Variants in LIPN observed in about 807,000 individuals in gnomAD.
The protein encoded by LIPN is lipase member N.
A neutral mutation model predicts 43.7 loss-of-function variants in LIPN; 32 were observed. The ratio of observed to expected loss-of-function variants is 0.73; its 90% CI spans 0.55 to 0.98. The LOEUF (loss-of-function observed/expected upper bound fraction) is 0.98, where lower values mean the gene tolerates loss of function less well. LIPN is among the 50% of genes least tolerant of loss of function. The probability of loss-of-function intolerance (pLI) is 0.00; values close to 1 mark genes in which losing one functional copy is unlikely to be tolerated. For synonymous variants in LIPN, 156 were observed against 157.6 expected (o/e 0.99, Z 0.08); for missense variants, 505 against 483.8 (o/e 1.04, Z -0.41).
intron 5 of LIPN, among the ~76,000 whole-genome samples, chr10:88,766,594 C>T (rs1263334736): frequency 6.6e-6 from 1 of 151,930 alleles, no homozygotes; most frequent in Non-Finnish European, 1.5e-5. Flanking sequence ...TCTCTGGTCA[C>T]AGCAGCATAT....
chr10:88,774,979 G>C (rs1211055179), intron 8 of LIPN, 113 bp from the exon 9 acceptor site: 4 of 663,262 alleles, frequency 6.0e-6, no homozygotes, highest in South Asian at 5.6e-5. Context: ...ACATCCTTCT[G>C]GTGATCTAGG....
Position 88,766,196 on chromosome 10 carries a change from G to T in LIPN, c.426-73G>T, listed in dbSNP as rs1843093207. 2.7e-6 allele frequency: 2 copies of T among 745,856 alleles called. 1 individual carries two copies. The highest frequency in any genetic ancestry group is 4.9e-5 in the East Asian group (2 of 40,410). 46.2% of individuals were successfully genotyped at this position (745,856 alleles called of 1,614,324 possible). ...CAGCATAGAATCTGGGTGTAAAAAA[G>T]AAGTGAGCAAGTGCTCTGAGTTTTA... On this transcript the variant is annotated intron_variant, in intron 4 of 9. Coordinates refer to ENST00000404459, the MANE Select transcript of LIPN (RefSeq NM_001102469.2).
intron 9 of LIPN, 73 bp downstream of exon 9, chr10:88,775,236 GA>G (rs1182217108): frequency 9.6e-7 from 1 of 1,037,214 alleles, no homozygotes; most frequent in East Asian, 2.8e-5. Flanking sequence ...AGGGTGGAAA[GA>G]CTCCTACCTG....
intron 5 of LIPN, 87 bp downstream of exon 5, chr10:88,766,465 A>G: frequency 1.2e-6 from 1 of 815,562 alleles, no homozygotes; most frequent in Non-Finnish European, 2.1e-6. Context: ...TGTTGGAATA[A>G]AACAACTGTT....
chr10:88,777,051 C>A (rs945939051), intron 9 of LIPN, among the ~76,000 whole-genome samples: 1 of 152,012 alleles, frequency 6.6e-6, no homozygotes. Context: ...TACTCCTTAA[C>A]CTTGTACAAT....
In LIPN at chr10:88,778,112, TC is replaced by T. The variant is rs770203976; in HGVS notation, c.1070del (p.Pro357LeufsTer35). 5.0e-6 allele frequency: 8 copies of T among 1,613,558 alleles called. No individual in the cohort carries two copies. On this transcript the variant is annotated frameshift_variant, in exon 10 of 10. Coordinates refer to ENST00000404459, the MANE Select transcript of LIPN (RefSeq NM_001102469.2). LOFTEE classifies it high-confidence loss of function. The stretch of plus-strand genomic sequence containing the variant: ...ACACCCCAGGATGTGGCCAGGATAC[TC>T]CCTCAAATCAAGAGTCTTCATTACT... Reference protein sequence around the residue: ...LVTPQDVARILPQIKSLHYFK... With the variant: ...LVTPQDVARIXPQIKSLHYFK...
chr10:88,774,171 C>T (rs1200500084), intron 7 of LIPN, among the ~76,000 whole-genome samples: 2 of 152,018 alleles, frequency 1.3e-5, no homozygotes, highest in African/African-American at 2.4e-5. Context: ...GCACATAGAA[C>T]CTTTCCTAGT....
intron 7 of LIPN, among the ~76,000 whole-genome samples, 190 bp downstream of exon 7, chr10:88,771,181 T>C (rs1843202835): frequency 1.3e-5 from 2 of 151,878 alleles, no homozygotes; most frequent in Non-Finnish European, 2.9e-5. Flanking sequence ...CACATATATT[T>C]TGATATAAGC....
chr10:88,766,366 G>A lies in LIPN; in HGVS notation c.523G>A (p.Gly175Ser), dbSNP rs1843098550. ...ATTGTATTTCATTGGACATTCACTT[G>A]GCACTACAATAGGTATGTTTATGAG... ...EKLYFIGHSL[G>S]TTIGFVAFST... The change falls in exon 5 of 10, where the codon GGC (glycine) becomes AGC (serine). Residue 175 changes from glycine to serine, a missense_variant. Transcript: ENST00000404459. 1.3e-6 allele frequency: 2 copies of A among 1,593,124 alleles called. No homozygotes were observed. Among genetic ancestry groups the A allele is most frequent in the Non-Finnish European group, 1.7e-6 (2 of 1,161,942 alleles).
rs1407683091 is a variant in LIPN, at chr10:88,778,045, G to C, written c.1000G>C (p.Val334Leu). ...PPIYDLTAMK[V>L]PTAIWAGGHD... ...TATATATGACCTGACTGCCATGAAA[G>C]TGCCTACTGCTATTTGGGCTGGTGG... Residue 334 changes from valine (V) to leucine (L), a missense_variant, in exon 10 of 10, where the codon GTG (valine) becomes CTG (leucine). By Grantham distance (32) the Val-to-Leu change is conservative. Coordinates refer to ENST00000404459, the MANE Select transcript of LIPN (RefSeq NM_001102469.2). 6.2e-7 allele frequency: 1 copy of C among 1,613,278 alleles called. No individual in the cohort carries two copies. The highest frequency in any genetic ancestry group is 1.3e-5 in the African/African-American group (1 of 74,860).
At position 88,767,423 on chromosome 10, in the gene LIPN, C is replaced by CCCACA. The variant is rs572133513; in HGVS notation, c.535+1046_535+1050dup. Among the ~76,000 whole-genome samples the CCCACA allele has an allele frequency of 1.9e-4, 29 of 151,490 alleles. 1 individual carries two copies. The South Asian group carries it at 5.8e-3, about 30-fold the overall frequency. On this transcript the variant is annotated intron_variant, in intron 5 of 9. Coordinates refer to ENST00000404459, the MANE Select transcript of LIPN (RefSeq NM_001102469.2). ...GTAGGGTCTTGTGTTCAGGACCTTCCCCACAGTATCTCCCTCTGATCTTCA... is the reference window on the plus strand; with the variant it reads ...GTAGGGTCTTGTGTTCAGGACCTTCCCCACACCACAGTATCTCCCTCTGATCTTCA...
chr10:88,778,283 C>A lies in LIPN; in HGVS notation c.*41C>A. 1 of 1,464,866 alleles carries A rather than the reference C, an allele frequency of 6.8e-7. No homozygotes were observed. The highest frequency in any genetic ancestry group is 9.4e-7 in the Non-Finnish European group (1 of 1,068,788). 90.7% of individuals were successfully genotyped at this position (1,464,866 alleles called of 1,614,324 possible). A position where few individuals can be genotyped will look rare whatever the true frequency, so the allele number is the denominator to read the frequency against. Reference sequence around the variant, plus strand: ...TTTTCAATTAAAAGTTGCTTCCAAGCCCATAAGGGACTTTAGAAAAAATAG... The same window carrying A: ...TTTTCAATTAAAAGTTGCTTCCAAGACCATAAGGGACTTTAGAAAAAATAG... On this transcript the variant is annotated 3_prime_UTR_variant, in exon 10 of 10. Transcript: ENST00000404459.
At chr10:88,773,139 T>TA (rs34318851) in intron 7 of LIPN, among the ~76,000 whole-genome samples, 43 of 146,864 alleles carry the variant, frequency 2.9e-4, no homozygotes, top group Middle Eastern at 3.4e-3. Flanking sequence ...TTCATTGAAA[T>TA]AAAAAAAAAA....
In LIPN at chr10:88,766,274, A is replaced by T; in HGVS notation, c.431A>T (p.Asp144Val). The T allele has an allele frequency of 6.4e-7, 1 of 1,573,040 alleles. No homozygotes were observed. The highest frequency in any genetic ancestry group is 8.7e-7 in the Non-Finnish European group (1 of 1,147,230). Residue 144 changes from aspartate to valine, a missense_variant, in exon 5 of 10, where the codon GAT (aspartate) becomes GTT (valine). Physicochemically the swap from Asp to Val is radical, Grantham distance 152 (BLOSUM62 -3). Coordinates refer to ENST00000404459, the MANE Select transcript of LIPN (RefSeq NM_001102469.2). Reference sequence around the variant, plus strand: ...GCCCCTGTTTTATTTTGCAGTTTTGATGAAATGGCCAAATATGATCTCCCA... The same window carrying T: ...GCCCCTGTTTTATTTTGCAGTTTTGTTGAAATGGCCAAATATGATCTCCCA... ...TDEKFWAFSFDEMAKYDLPGV... is the reference protein window; with the variant it reads ...TDEKFWAFSFVEMAKYDLPGV...
chr10:88,770,799 C>A (rs759774517), intron 6 of LIPN, 46 bp from the exon 7 acceptor site: 16 of 1,203,290 alleles, frequency 1.3e-5, no homozygotes, highest in Non-Finnish European at 1.9e-5. Flanking sequence ...GGATAGTCTG[C>A]AAATATTTTA....
intron 4 of LIPN, among the ~76,000 whole-genome samples, chr10:88,765,252 G>T (rs902748707): frequency 6.6e-6 from 1 of 151,984 alleles, no homozygotes; most frequent in African/African-American, 2.4e-5. Context: ...GTCACCAGAG[G>T]ACAGGCTGAT....
intron 3 of LIPN, among the ~76,000 whole-genome samples, chr10:88,762,541 G>C (rs1403704964): frequency 6.6e-6 from 1 of 152,068 alleles, no homozygotes; most frequent in East Asian, 1.9e-4. Context: ...AGAGGTACTT[G>C]TTAGGGTGTA....
intron 7 of LIPN, among the ~76,000 whole-genome samples, chr10:88,771,192 A>G (rs1192480600): frequency 2.0e-5 from 3 of 151,884 alleles, no homozygotes; most frequent in South Asian, 4.1e-4. Context: ...TGATATAAGC[A>G]TACAATGTGT....
chr10:88,763,922 T>C (rs1381246896), intron 3 of LIPN, among the ~76,000 whole-genome samples: 1 of 151,958 alleles, frequency 6.6e-6, no homozygotes, highest in Non-Finnish European at 1.5e-5. Flanking sequence ...CATGATAAAT[T>C]TTGTGTCTTT....
Sources: allele counts gnomAD v4.1 joint callset (sites outside exome capture counted in the v4.1 genomes callset), GRCh38; gene constraint gnomAD v4.1.1; transcripts MANE v1.5; gene names NCBI Gene and HGNC (gene_info 2026-07-23, HGNC 2026-07-21).